NBAS: variants seen among roughly 807,000 people sequenced by gnomAD.
NBAS encodes NBAS subunit of NRZ tethering complex, also known as NAG/BC035112 fusion.
NBAS carries 219 observed loss-of-function variants against 302.5 expected under a neutral mutation model. That is an observed-to-expected ratio of 0.72 (90% confidence interval 0.65 to 0.81). NBAS has a LOEUF of 0.81. Ranked by LOEUF, NBAS falls within the 30% of genes least tolerant of loss-of-function variation. The probability of loss-of-function intolerance (pLI) is 0.00; values close to 1 mark genes in which losing one functional copy is unlikely to be tolerated. For synonymous variants in NBAS, 1,118 were observed against 1,021.6 expected (o/e 1.09, Z -1.80); for missense variants, 2,932 against 2,841.6 (o/e 1.03, Z -0.72).
At chr2:14,887,683 A>G in the NBAS span, among the ~76,000 whole-genome samples, 1 of 151,988 alleles carries the variant, frequency 6.6e-6, no homozygotes, top group South Asian at 2.1e-4. Context: ...GCCCCTCCCC[A>G]CAAGTCTAAG....
the NBAS span, among the ~76,000 whole-genome samples, chr2:15,149,362 T>C: frequency 6.6e-6 from 1 of 152,252 alleles, no homozygotes; most frequent in Non-Finnish European, 1.5e-5. Context: ...TAAATCTCTG[T>C]TCTTTAAAAA....
the NBAS span, among the ~76,000 whole-genome samples, chr2:14,916,387 T>C: frequency 6.6e-6 from 1 of 152,212 alleles, no homozygotes; most frequent in Non-Finnish European, 1.5e-5. Flanking sequence ...TTCTGTGAAT[T>C]TTTTAAGGCT....
chr2:15,378,465 C>T (rs2049718), intron 30 of NBAS, among the ~76,000 whole-genome samples: 94,442 of 151,978 alleles, frequency 0.62, 30,122 homozygotes, highest in Middle Eastern at 0.68. Flanking sequence ...TGTGCCTTGA[C>T]TTACAATGTG....
chr2:15,324,629 G>C (rs1671980390), intron 38 of NBAS, among the ~76,000 whole-genome samples: 1 of 152,028 alleles, frequency 6.6e-6, no homozygotes, highest in African/African-American at 2.4e-5. Flanking sequence ...TCACAAATCT[G>C]TCTCCCCAAC....
chr2:14,861,813 T>A, the NBAS span, among the ~76,000 whole-genome samples: 1 of 152,178 alleles, frequency 6.6e-6, no homozygotes, highest in Non-Finnish European at 1.5e-5. Context: ...GAAGGTGAAA[T>A]AGGGTTGTCT....
the NBAS span, among the ~76,000 whole-genome samples, chr2:14,921,347 T>G: frequency 6.6e-6 from 1 of 152,064 alleles, no homozygotes; most frequent in Non-Finnish European, 1.5e-5. Context: ...CAATAACAGA[T>G]ATAATCATAA....
the NBAS span, among the ~76,000 whole-genome samples, chr2:14,821,738 C>T: frequency 8.6e-5 from 13 of 152,024 alleles, no homozygotes; most frequent in African/African-American, 2.4e-4. Context: ...ATGGGCTGGG[C>T]GCGATGGCTT....
intron 33 of NBAS, among the ~76,000 whole-genome samples, chr2:15,355,792 C>T (rs913416042): frequency 3.3e-5 from 5 of 152,086 alleles, no homozygotes; most frequent in Admixed American, 1.3e-4. Flanking sequence ...GAAGACTTCC[C>T]GGAGGCAGAT....
At chr2:14,824,251 AG>A in the NBAS span, among the ~76,000 whole-genome samples, 1 of 152,234 alleles carries the variant, frequency 6.6e-6, no homozygotes, top group Non-Finnish European at 1.5e-5. Flanking sequence ...AATATTACCT[AG>A]GTTTCACAGG....
At chr2:15,041,744 T>C in the NBAS span, among the ~76,000 whole-genome samples, 9 of 152,238 alleles carry the variant, frequency 5.9e-5, no homozygotes, top group Admixed American at 5.9e-4. Context: ...AGCTGTCCAG[T>C]GCTTGTTTCC....
At chr2:14,999,154 C>G in the NBAS span, among the ~76,000 whole-genome samples, 2 of 151,848 alleles carry the variant, frequency 1.3e-5, no homozygotes, top group African/African-American at 4.8e-5. Flanking sequence ...AGGAATTCTG[C>G]CATTGTGACA....
At chr2:15,255,329 A>AT (rs1365991248) in intron 44 of NBAS, among the ~76,000 whole-genome samples, 1 of 151,970 alleles carries the variant, frequency 6.6e-6, no homozygotes, top group East Asian at 1.9e-4. Flanking sequence ...GATGTTGAAC[A>AT]TTTTTTCTTG....
intron 48 of NBAS, among the ~76,000 whole-genome samples, chr2:15,216,050 T>C (rs1241057449): frequency 6.6e-6 from 1 of 152,150 alleles, no homozygotes; most frequent in Non-Finnish European, 1.5e-5. Flanking sequence ...CAATTATAAG[T>C]CATTTTCCCC....
the NBAS span, among the ~76,000 whole-genome samples, chr2:15,148,506 C>T: frequency 2.0e-5 from 3 of 152,064 alleles, no homozygotes; most frequent in East Asian, 1.9e-4. Flanking sequence ...GGGCATTCCA[C>T]GTGCAGAGTG....
intron 9 of NBAS, among the ~76,000 whole-genome samples, chr2:15,524,161 G>T (rs760571608): frequency 4.6e-5 from 7 of 152,152 alleles, no homozygotes; most frequent in African/African-American, 7.2e-5. Flanking sequence ...TGACACCACA[G>T]ATTTTTTACA....
chr2:15,253,699 A>ATGTC (rs1364680071), intron 44 of NBAS, among the ~76,000 whole-genome samples: 1 of 152,214 alleles, frequency 6.6e-6, no homozygotes, highest in Non-Finnish European at 1.5e-5. Flanking sequence ...CAAGAAAGGC[A>ATGTC]TGTCTGACAC....
the NBAS span, among the ~76,000 whole-genome samples, chr2:14,894,506 A>C: frequency 6.6e-6 from 1 of 152,124 alleles, no homozygotes; most frequent in Non-Finnish European, 1.5e-5. Context: ...TGCAAATGAA[A>C]GAAATAAGTA....
chr2:15,174,194 C>T (rs554996427), intron 51 of NBAS, among the ~76,000 whole-genome samples: 1 of 152,314 alleles, frequency 6.6e-6, no homozygotes, highest in South Asian at 2.1e-4. Context: ...GGACCAAAGA[C>T]AGGAAGGTTT....
intron 12 of NBAS, among the ~76,000 whole-genome samples, chr2:15,485,383 C>T (rs1259071662): frequency 1.3e-5 from 2 of 152,176 alleles, no homozygotes; most frequent in Non-Finnish European, 2.9e-5. Flanking sequence ...ACTAATAACA[C>T]AAGTATTGTG....
Sources: allele counts gnomAD v4.1 joint callset (sites outside exome capture counted in the v4.1 genomes callset), GRCh38; gene constraint gnomAD v4.1.1; transcripts MANE v1.5; gene names NCBI Gene and HGNC (gene_info 2026-07-23, HGNC 2026-07-21).